The following CYB5B variants were observed in gnomAD, a reference collection of about 807,000 sequenced individuals.
The protein encoded by CYB5B is cytochrome b5 type B (outer mitochondrial membrane).
In CYB5B, 14 loss-of-function variants were observed where a neutral mutation model predicts 21.3. The observed-to-expected ratio is 0.66, with a 90% CI of 0.43 to 1.03. The LOEUF (loss-of-function observed/expected upper bound fraction) is 1.03, where lower values mean the gene tolerates loss of function less well. CYB5B is among the 50% of genes least tolerant of loss of function. The pLI is 0.00. For synonymous variants in CYB5B, 69 were observed against 68.4 expected (o/e 1.01, Z -0.04); for missense variants, 166 against 185.1 (o/e 0.90, Z 0.60).
At chr16:69,450,102 C>T (rs781453287) in intron 3 of CYB5B, 4 of 151,910 alleles carry the variant, frequency 2.6e-5, no homozygotes, top group Non-Finnish European at 4.4e-5. Flanking sequence ...TGCCTGCAGT[C>T]CCAACTACTG....
At chr16:69,457,613 T>C (rs1202517532) in intron 3 of CYB5B, among the ~76,000 whole-genome samples, 1 of 152,176 alleles carries the variant, frequency 6.6e-6, no homozygotes, top group African/African-American at 2.4e-5. Context: ...GATAGTAACA[T>C]TTGTTGTATT....
intron 1 of CYB5B, among the ~76,000 whole-genome samples, chr16:69,434,224 T>C (rs1395762184): frequency 6.6e-6 from 1 of 152,236 alleles, no homozygotes; most frequent in Non-Finnish European, 1.5e-5. Context: ...TAACTTATGA[T>C]TTCATTGTGT....
intron 3 of CYB5B, among the ~76,000 whole-genome samples, chr16:69,450,531 A>G (rs981286057): frequency 6.6e-6 from 1 of 152,218 alleles, no homozygotes; most frequent in African/African-American, 2.4e-5. Flanking sequence ...AAGACCACCT[A>G]CATAGGTTTT....
chr16:69,449,915 G>A (rs554800456), intron 3 of CYB5B: 18 of 152,236 alleles, frequency 1.2e-4, no homozygotes, highest in African/African-American at 4.1e-4. Context: ...TTTCTCAGCT[G>A]AATTAAAACT....
chr16:69,459,162 T>A (rs1048844170), intron 4 of CYB5B, 41 bp downstream of exon 4: 2 of 1,589,832 alleles, frequency 1.3e-6, no homozygotes, highest in African/African-American at 2.7e-5. Context: ...TTCAAGGTAA[T>A]GTCTGGCAAG....
At position 69,447,168 on chromosome 16, in the gene CYB5B, G is replaced by A. The variant is rs201614686; in HGVS notation, c.193G>A (p.Val65Ile). ...FLNEHPGGEE[V>I]LLEQAGVDAS... The stretch of plus-strand genomic sequence containing the variant: ...CTTGTAGCACCCTGGAGGAGAAGAG[G>A]TTCTGCTGGAACAAGCTGGTGTAGA... The change falls in exon 2 of 5, where the codon GTT becomes ATT. Residue 65 changes from valine (V) to isoleucine (I), a missense_variant. Physicochemically the swap from Val to Ile is conservative, Grantham distance 29. Transcript: ENST00000307892. 1 of 1,614,046 alleles carries A rather than the reference G, an allele frequency of 6.2e-7. No homozygotes were observed. Among genetic ancestry groups the A allele is most frequent in the Admixed American group, 1.7e-5 (1 of 60,016 alleles).
At chr16:69,425,931 G>A (rs986623012) in intron 1 of CYB5B, among the ~76,000 whole-genome samples, 2 of 151,526 alleles carry the variant, frequency 1.3e-5, no homozygotes, top group Non-Finnish European at 2.9e-5. Flanking sequence ...ATTAATTTGG[G>A]GCCTAAAAGA....
chr16:69,424,811 T>A lies in CYB5B; in HGVS notation c.128T>A (p.Leu43His). The A allele has an allele frequency of 1.2e-6, 2 of 1,606,124 alleles. No individual in the cohort carries two copies. The highest frequency in any genetic ancestry group is 1.7e-6 in the Non-Finnish European group (2 of 1,176,052). Residue 43 changes from leucine (L) to histidine (H), a missense_variant, in exon 1 of 5, where the codon CTT becomes CAT. Physicochemically the swap from Leu to His is moderately conservative, Grantham distance 99 (BLOSUM62 -3). Coordinates refer to ENST00000307892, the MANE Select transcript of CYB5B (RefSeq NM_030579.3). Reference protein sequence around the residue: ...AKRNSLKELWLVIHGRVYDVT... With the variant: ...AKRNSLKELWHVIHGRVYDVT... ...CGCAACTCCTTGAAGGAACTGTGGC[T>A]TGTGATCCATGGGCGAGTCTACGAT... is the stretch of plus-strand genomic sequence containing the variant.
At chr16:69,451,858 G>A (rs986484450) in intron 3 of CYB5B, among the ~76,000 whole-genome samples, 3 of 151,538 alleles carry the variant, frequency 2.0e-5, no homozygotes, top group African/African-American at 7.3e-5. Flanking sequence ...CAGGAGAATG[G>A]CGTGAACCTA....
At chr16:69,430,428 C>A (rs947923314) in intron 1 of CYB5B, among the ~76,000 whole-genome samples, 1 of 152,018 alleles carries the variant, frequency 6.6e-6, no homozygotes, top group South Asian at 2.1e-4. Flanking sequence ...ATCATGTTGC[C>A]CAGGCTGGCC....
intron 1 of CYB5B, among the ~76,000 whole-genome samples, chr16:69,438,786 G>A (rs930635414): frequency 1.3e-5 from 2 of 152,154 alleles, no homozygotes; most frequent in African/African-American, 4.8e-5. Flanking sequence ...GAGCGAGAGA[G>A]CTCTTTGCCC....
intron 1 of CYB5B, among the ~76,000 whole-genome samples, chr16:69,431,832 TC>T (rs2014709396): frequency 6.6e-6 from 1 of 151,656 alleles, no homozygotes; most frequent in Non-Finnish European, 1.5e-5. Flanking sequence ...TCTAGAGGAG[TC>T]AAAACAAAAA....
At chr16:69,460,234 CAAAAAAA>C (rs566667712) in intron 4 of CYB5B, among the ~76,000 whole-genome samples, 2 of 135,798 alleles carry the variant, frequency 1.5e-5, no homozygotes, top group African/African-American at 5.4e-5. Context: ...AACTCCATCT[CAAAAAAA>C]AAAACCAAAC....
Position 69,464,124 on chromosome 16 carries a change from C to T in CYB5B, c.*1604C>T, listed in dbSNP as rs1394685298. 4 of 152,106 alleles carry T rather than the reference C, an allele frequency of 2.6e-5. No homozygotes were observed. The highest frequency in any genetic ancestry group is 1.9e-4 in the East Asian group (1 of 5,196). 9.4% of individuals were successfully genotyped at this position (152,106 alleles called of 1,614,324 possible). ...GGGATTTGATGAGACAGGAAACTGCCCAGCAAACCAGGGACTGCCCATGTA... is the reference window on the plus strand; with the variant it reads ...GGGATTTGATGAGACAGGAAACTGCTCAGCAAACCAGGGACTGCCCATGTA... On this transcript the variant is annotated 3_prime_UTR_variant, in exon 5 of 5. Coordinates refer to ENST00000307892, the MANE Select transcript of CYB5B (RefSeq NM_030579.3).
At chr16:69,440,826 ATT>A (rs71151107) in intron 1 of CYB5B, among the ~76,000 whole-genome samples, 2 of 133,898 alleles carry the variant, frequency 1.5e-5, no homozygotes, top group East Asian at 2.1e-4. Context: ...ATCTCATTTG[ATT>A]TTTTTTTTTT....
At chr16:69,453,626 C>T (rs1161049101) in intron 3 of CYB5B, among the ~76,000 whole-genome samples, 2 of 152,222 alleles carry the variant, frequency 1.3e-5, no homozygotes, top group African/African-American at 4.8e-5. Context: ...GGCGCGATCT[C>T]GGCTCTGCAA....
chr16:69,436,126 T>A (rs1042631034), intron 1 of CYB5B, among the ~76,000 whole-genome samples: 17 of 152,200 alleles, frequency 1.1e-4, no homozygotes, highest in African/African-American at 4.1e-4. Flanking sequence ...TGCACTCACA[T>A]GTGTGTTCGC....
rs966418035 is a variant in CYB5B, at chr16:69,464,420, T to C, written c.*1900T>C. The C allele has an allele frequency of 1.3e-5, 2 of 152,230 alleles. No homozygotes were observed. The highest frequency in any genetic ancestry group is 4.8e-5 in the African/African-American group (2 of 41,462). The allele number at this position is 152,230 out of a possible 1,614,324, so 9.4% of individuals were successfully genotyped here. A position where few individuals can be genotyped will look rare whatever the true frequency, so the allele number is the denominator to read the frequency against. On this transcript the variant is annotated 3_prime_UTR_variant, in exon 5 of 5. Transcript: ENST00000307892. ...TGGTTATTATTTAACAAAAGTGGTATGACTTGATGCTTCTCTATTTAAAGG... is the reference window on the plus strand; with the variant it reads ...TGGTTATTATTTAACAAAAGTGGTACGACTTGATGCTTCTCTATTTAAAGG...
chr16:69,442,408 T>C (rs1347247352), intron 1 of CYB5B, among the ~76,000 whole-genome samples: 1 of 152,190 alleles, frequency 6.6e-6, no homozygotes, highest in East Asian at 1.9e-4. Context: ...GCACACACAC[T>C]GCATTTTTTC....
Sources: gnomAD v4.1 joint callset for allele counts (sites outside exome capture counted in the v4.1 genomes callset) on GRCh38, gnomAD v4.1.1 for gene constraint, MANE v1.5 for transcripts, NCBI Gene and HGNC (gene_info 2026-07-23, HGNC 2026-07-21) for gene names.